USP9X: variants seen among roughly 807,000 people sequenced by gnomAD.
USP9X encodes the protein ubiquitin carboxyl-terminal hydrolase 9X.
In USP9X, 7 loss-of-function variants were observed where a neutral mutation model predicts 190.3. The observed-to-expected ratio is 0.04, with a 90% confidence interval of 0.02 to 0.07. The LOEUF is 0.07. USP9X is among the 10% of genes least tolerant of loss of function. The probability of loss-of-function intolerance (pLI) is 1.00; values close to 1 mark genes in which losing one functional copy is unlikely to be tolerated. For missense variants in USP9X, 1,010 were observed against 1,916.9 expected, an observed-to-expected ratio of 0.53 and a Z score of 8.83; for synonymous variants, 645 against 659.5, an observed-to-expected ratio of 0.98 and a Z score of 0.34.
At chrX:41,208,791 T>C (rs1017272057) in intron 32 of USP9X, among the ~76,000 whole-genome samples, 7 of 110,173 alleles carry the variant, frequency 6.4e-5, no homozygotes, top group Non-Finnish European at 1.3e-4. Flanking sequence ...CACTGCAAGC[T>C]CCCCTTCCTG....
intron 23 of USP9X, among the ~76,000 whole-genome samples, chrX:41,185,351 A>T (rs1473253817): frequency 9.0e-6 from 1 of 111,713 alleles, no homozygotes; most frequent in African/African-American, 3.3e-5. Context: ...TACTGTGGTT[A>T]TGTTTAAAAG....
intron 33 of USP9X, among the ~76,000 whole-genome samples, chrX:41,213,512 TATG>T (rs2063184299): frequency 8.9e-6 from 1 of 111,838 alleles, no homozygotes; most frequent in African/African-American, 3.3e-5. Flanking sequence ...ATTTTCAGCT[TATG>T]ATATTTTCAA....
chrX:41,204,753 A>G (rs1411929822), intron 31 of USP9X, among the ~76,000 whole-genome samples: 1 of 111,980 alleles, frequency 8.9e-6, no homozygotes. Flanking sequence ...CAAGTTTACA[A>G]CCTAGGAGCA....
intron 29 of USP9X, among the ~76,000 whole-genome samples, chrX:41,197,986 C>A (rs956729880): frequency 2.7e-5 from 3 of 111,496 alleles, no homozygotes; most frequent in Non-Finnish European, 5.7e-5. Flanking sequence ...TGCACTCCAG[C>A]CTGAAGGAAC....
intron 38 of USP9X, 127 bp from the exon 39 acceptor site, chrX:41,223,087 GATC>G: frequency 3.1e-6 from 2 of 646,512 alleles, no homozygotes. Flanking sequence ...AAATTTTTCT[GATC>G]ATAAAAATTA....
intron 15 of USP9X, among the ~76,000 whole-genome samples, chrX:41,163,100 T>A (rs2062647269): frequency 8.9e-6 from 1 of 112,143 alleles, no homozygotes; most frequent in Non-Finnish European, 1.9e-5. Context: ...AGAATTGACT[T>A]CGTTCTTCAT....
chrX:41,213,278 C>CA (rs2063182241), intron 33 of USP9X, among the ~76,000 whole-genome samples: 1 of 111,152 alleles, frequency 9.0e-6, no homozygotes, highest in Admixed American at 9.6e-5. Flanking sequence ...GCCTGGGTGA[C>CA]AGAGTGAGAC....
At chrX:41,173,990 CCTTT>C (rs1229625699) in intron 21 of USP9X, among the ~76,000 whole-genome samples, 1 of 111,244 alleles carries the variant, frequency 9.0e-6, no homozygotes, top group African/African-American at 3.3e-5. Context: ...TTTACTGTAC[CCTTT>C]CTATGTTTAA....
intron 21 of USP9X, among the ~76,000 whole-genome samples, chrX:41,174,404 A>G (rs962622485): frequency 6.3e-5 from 7 of 111,557 alleles, no homozygotes; most frequent in African/African-American, 2.3e-4. Flanking sequence ...TAGTTAATGT[A>G]TCTCTTTAGT....
intron 31 of USP9X, among the ~76,000 whole-genome samples, chrX:41,203,993 C>T (rs1045696331): frequency 5.4e-5 from 6 of 111,901 alleles, no homozygotes; most frequent in African/African-American, 2.0e-4. Context: ...CCACCATATG[C>T]GGCCAAATTT....
intron 28 of USP9X, among the ~76,000 whole-genome samples, 158 bp downstream of exon 28, chrX:41,196,896 C>G (rs1159931015): frequency 1.8e-5 from 2 of 112,168 alleles, no homozygotes; most frequent in African/African-American, 6.5e-5. Context: ...CGTTAGTAAT[C>G]TGTGATTCAC....
intron 34 of USP9X, among the ~76,000 whole-genome samples, chrX:41,215,066 A>G (rs2063200192): frequency 8.9e-6 from 1 of 111,931 alleles, no homozygotes; most frequent in African/African-American, 3.2e-5. Context: ...AGAGGAAAAC[A>G]TTTCTCCTGT....
intron 1 of USP9X, among the ~76,000 whole-genome samples, chrX:41,087,191 T>C (rs192717893): frequency 2.6e-4 from 29 of 112,938 alleles, no homozygotes; most frequent in African/African-American, 8.7e-4. Flanking sequence ...ATTCATGCTT[T>C]ATTTTTCGGG....
chrX:41,091,168 A>T (rs2061952632), intron 1 of USP9X, among the ~76,000 whole-genome samples: 2 of 103,685 alleles, frequency 1.9e-5, no homozygotes, highest in African/African-American at 3.5e-5. Context: ...GTTGTTATTT[A>T]AAAAAACTTT....
chrX:41,140,227 A>G (rs1569165144), intron 6 of USP9X, among the ~76,000 whole-genome samples: 1 of 112,405 alleles, frequency 8.9e-6, no homozygotes, highest in Non-Finnish European at 1.9e-5. Context: ...GGGAAATTTT[A>G]ATGTTTTACA....
chrX:41,163,039 G>A (rs757132969), intron 15 of USP9X, among the ~76,000 whole-genome samples, 162 bp downstream of exon 15: 4 of 112,130 alleles, frequency 3.6e-5, no homozygotes, highest in Admixed American at 9.5e-5. Flanking sequence ...AAAATGATTC[G>A]CTGAGTTTTA....
chrX:41,130,636 G>A (rs374069004), intron 3 of USP9X, among the ~76,000 whole-genome samples: 1 of 107,782 alleles, frequency 9.3e-6, no homozygotes, highest in African/African-American at 3.4e-5. Flanking sequence ...CTACAGGCAC[G>A]TGCCACCATA....
intron 2 of USP9X, among the ~76,000 whole-genome samples, chrX:41,125,632 CCCCTCCCGCCA>C: frequency 1.2e-5 from 1 of 86,209 alleles, no homozygotes; most frequent in Non-Finnish European, 2.4e-5. Context: ...TCCCCCCACA[CCCCTCCCGCCA>C]ACACACACAC....
At chrX:41,159,552 T>C (rs1032607244) in intron 14 of USP9X, among the ~76,000 whole-genome samples, 2 of 109,750 alleles carry the variant, frequency 1.8e-5, no homozygotes, top group Non-Finnish European at 3.8e-5. Flanking sequence ...TTTTTTGAGA[T>C]GAAGTCTTGC....
Sources: gnomAD v4.1 joint callset for allele counts (sites outside exome capture counted in the v4.1 genomes callset) on GRCh38, gnomAD v4.1.1 for gene constraint, MANE v1.5 for transcripts, NCBI Gene and HGNC (gene_info 2026-07-23, HGNC 2026-07-21) for gene names.